HTRA1: variants seen among roughly 807,000 people sequenced by gnomAD.
HTRA1 encodes HtrA serine peptidase 1.
A neutral mutation model predicts 49.7 loss-of-function variants in HTRA1; 26 were observed. The observed-to-expected ratio is 0.52, with a 90% confidence interval of 0.38 to 0.73. HTRA1 has a LOEUF of 0.73. Among genes scored for constraint, HTRA1 ranks in the 30% least tolerant of loss-of-function variants. The pLI is 0.00. For missense variants in HTRA1, 561 were observed against 667.2 expected (o/e 0.84, Z 1.75); for synonymous variants, 291 against 286.9 (o/e 1.01, Z -0.14).
chr10:122,508,598 T>TAA, intron 5 of HTRA1, 58 bp from the exon 6 acceptor site: 3 of 1,059,656 alleles, frequency 2.8e-6, no homozygotes, highest in Non-Finnish European at 4.5e-6. Flanking sequence ...TCTCTCTGGG[T>TAA]GTGTACCTGC....
In HTRA1 at chr10:122,514,470, G is replaced by A. The variant is rs1048732061; in HGVS notation, c.*111G>A. 9.4e-7 allele frequency: 1 copy of A among 1,067,008 alleles called. No individual in the cohort carries two copies. The highest frequency in any genetic ancestry group is 1.4e-6 in the Non-Finnish European group (1 of 694,538). 66.1% of individuals were successfully genotyped at this position (1,067,008 alleles called of 1,614,324 possible). On this transcript the variant is annotated 3_prime_UTR_variant, in exon 9 of 9. Coordinates refer to ENST00000368984, the MANE Select transcript of HTRA1 (RefSeq NM_002775.5). The stretch of plus-strand genomic sequence containing the variant: ...ACTCAAGACTTTTGACTGCCATTTT[G>A]TTTGTTCAGTGGAGACTCCCTGGCC...
At chr10:122,514,059 C>T (rs1015168453) in intron 8 of HTRA1, 132 bp from the exon 9 acceptor site, 1 of 916,104 alleles carries the variant, frequency 1.1e-6, no homozygotes, top group African/African-American at 1.6e-5. Context: ...TTGAATTATT[C>T]TAAGTTCGCC....
intron 1 of HTRA1, among the ~76,000 whole-genome samples, chr10:122,481,237 A>G (rs2097490854): frequency 6.6e-6 from 1 of 152,188 alleles, no homozygotes; most frequent in African/African-American, 2.4e-5. Flanking sequence ...CCTGGAGACC[A>G]CACATATAGC....
At chr10:122,510,223 C>A in intron 7 of HTRA1, 70 bp downstream of exon 7, 1 of 1,298,704 alleles carries the variant, frequency 7.7e-7, no homozygotes, top group Non-Finnish European at 1.1e-6. Context: ...TGCTCACGGG[C>A]ACCCCTGAAA....
At chr10:122,473,276 C>T (rs2097486945) in intron 1 of HTRA1, among the ~76,000 whole-genome samples, 1 of 152,090 alleles carries the variant, frequency 6.6e-6, no homozygotes, top group African/African-American at 2.4e-5. Flanking sequence ...AGGCGAGCAG[C>T]CTGGGACCAG....
chr10:122,480,345 G>A (rs1000060543), intron 1 of HTRA1, among the ~76,000 whole-genome samples: 2 of 152,094 alleles, frequency 1.3e-5, no homozygotes, highest in Admixed American at 6.5e-5. Context: ...CAGGGCGGGC[G>A]AGGGCAGGAA....
chr10:122,476,569 C>A lies in HTRA1; in HGVS notation c.473-12333C>A, dbSNP rs1217510058. Among the ~76,000 whole-genome samples, 4 of 152,326 alleles carry A rather than the reference C, an allele frequency of 2.6e-5. No individual in the cohort carries two copies. The East Asian group carries it at 5.8e-4, about 22-fold the overall frequency. ...TGCATTTAGTGTAAAGATCAATATTCCAGGTCCTCTCTTCCTGCCACCCAG... is the reference window on the plus strand; with the variant it reads ...TGCATTTAGTGTAAAGATCAATATTACAGGTCCTCTCTTCCTGCCACCCAG... On this transcript the variant is annotated intron_variant, in intron 1 of 8. Transcript: ENST00000368984.
At chr10:122,489,134 CTCCCTTAGAACATT>C in intron 2 of HTRA1, 133 bp downstream of exon 2, 1 of 758,462 alleles carries the variant, frequency 1.3e-6, no homozygotes, top group Non-Finnish European at 2.4e-6. Context: ...ATAAGTGTGT[CTCCCTTAGAACATT>C]TTCCCTATTC....
chr10:122,502,862 T>C (rs2097501524), intron 3 of HTRA1, among the ~76,000 whole-genome samples: 1 of 152,252 alleles, frequency 6.6e-6, no homozygotes, highest in African/African-American at 2.4e-5. Flanking sequence ...ACTGCAGTCA[T>C]GCCCACACTT....
At chr10:122,496,224 GGTTCTTTTTTTT>G (rs1294289625) in intron 3 of HTRA1, among the ~76,000 whole-genome samples, 35 of 32,106 alleles carry the variant, frequency 1.1e-3, no homozygotes, top group African/African-American at 4.3e-3. Context: ...AGAGATTGTG[GGTTCTTTTTTTT>G]TTTTTTTTTT....
At chr10:122,489,235 T>C (rs934904110) in intron 2 of HTRA1, among the ~76,000 whole-genome samples, 187 bp from the exon 3 acceptor site, 1 of 152,212 alleles carries the variant, frequency 6.6e-6, no homozygotes, top group African/African-American at 2.4e-5. Context: ...TCTAAGAATA[T>C]TTTGTAAGTG....
intron 1 of HTRA1, among the ~76,000 whole-genome samples, chr10:122,488,395 C>T (rs533285466): frequency 3.3e-5 from 5 of 152,148 alleles, no homozygotes; most frequent in African/African-American, 7.2e-5. Context: ...TGGTGAAACC[C>T]GGTCCCTAGT....
chr10:122,503,563 T>A (rs565463395), intron 3 of HTRA1, among the ~76,000 whole-genome samples: 1 of 152,362 alleles, frequency 6.6e-6, no homozygotes, highest in East Asian at 1.9e-4. Context: ...ATTGGAATTC[T>A]GGATGAACAT....
intron 1 of HTRA1, among the ~76,000 whole-genome samples, chr10:122,479,728 G>A (rs566121862): frequency 2.6e-5 from 4 of 152,038 alleles, no homozygotes; most frequent in Admixed American, 6.5e-5. Flanking sequence ...TTAAGGAGTC[G>A]TGGGGAGAGT....
intron 3 of HTRA1, among the ~76,000 whole-genome samples, chr10:122,504,773 C>T (rs1471132072): frequency 1.3e-5 from 2 of 152,252 alleles, no homozygotes; most frequent in South Asian, 2.1e-4. Flanking sequence ...CCAGAGTAAA[C>T]ACACTGCGCT....
intron 3 of HTRA1, among the ~76,000 whole-genome samples, chr10:122,495,787 T>C (rs1208422015): frequency 4.6e-5 from 7 of 152,146 alleles, no homozygotes; most frequent in East Asian, 1.9e-4. Context: ...GTCCTCTTCA[T>C]TGAGGGGGGA....
At position 122,494,358 on chromosome 10, in the gene HTRA1, C is replaced by T. The variant is rs1302900057; in HGVS notation, c.777+4732C>T. 3.9e-5 allele frequency among the ~76,000 whole-genome samples: 6 copies of T among 152,238 alleles called. No individual in the cohort carries two copies. Among genetic ancestry groups the T allele is most frequent in the Non-Finnish European group, 7.4e-5 (5 of 68,012 alleles). On this transcript the variant is annotated intron_variant, in intron 3 of 8. Coordinates refer to ENST00000368984, the MANE Select transcript of HTRA1 (RefSeq NM_002775.5). The surrounding 1 kb of genome is among the most constrained non-coding windows in gnomAD (Gnocchi z 4.0). ...TGGATGGAATTGAGGGGAAGGCACC[C>T]GGGGCTCCTGCATCGAGCTTCCCTC...
At chr10:122,466,276 C>T (rs1193117997) in intron 1 of HTRA1, among the ~76,000 whole-genome samples, 2 of 152,190 alleles carry the variant, frequency 1.3e-5, no homozygotes, top group Non-Finnish European at 2.9e-5. Context: ...TGCCATTCTC[C>T]TGCCTTAGCC....
rs1366128557 is a variant in HTRA1, at chr10:122,490,028, G to C, written c.777+402G>C. ...TGAACATAGAATTTACTGGGTTTTA[G>C]ACTGAGCCATCCTTAACTTGTCAAC... On this transcript the variant is annotated intron_variant, in intron 3 of 8. Transcript: ENST00000368984. The surrounding 1 kb of genome is among the most constrained non-coding windows in gnomAD (Gnocchi z 4.2). Among the ~76,000 whole-genome samples, 3 of 152,142 alleles carry C rather than the reference G, an allele frequency of 2.0e-5. No individual in the cohort carries two copies. The highest frequency in any genetic ancestry group is 4.4e-5 in the Non-Finnish European group (3 of 68,038).
Sources: gnomAD v4.1 joint callset for allele counts (sites outside exome capture counted in the v4.1 genomes callset) on GRCh38, gnomAD v4.1.1 for gene constraint, Gnocchi (gnomAD v3.1) non-coding constraint, MANE v1.5 for transcripts, NCBI Gene and HGNC (gene_info 2026-07-23, HGNC 2026-07-21) for gene names.